Variants in REDIC1 observed in about 807,000 individuals in gnomAD.
REDIC1 encodes the protein HEI10 Interacting Protein 1.
the REDIC1 span, among the ~76,000 whole-genome samples, chr12:39,862,841 C>T: frequency 0.072 from 10,926 of 152,152 alleles, 873 homozygotes; most frequent in African/African-American, 0.2. Flanking sequence ...GCAATTGTCA[C>T]TTGTTTGTGT....
chr12:39,899,864 G>T, the REDIC1 span, among the ~76,000 whole-genome samples: 11 of 152,136 alleles, frequency 7.2e-5, no homozygotes, highest in African/African-American at 2.4e-4. Context: ...TATAATTTCT[G>T]TTCTTTTACA....
At chr12:39,829,149 C>T in the REDIC1 span, among the ~76,000 whole-genome samples, 1 of 151,942 alleles carries the variant, frequency 6.6e-6, no homozygotes, top group Admixed American at 6.6e-5. Flanking sequence ...AACATTTACA[C>T]ATTTTATATG....
At chr12:39,671,740 G>A in the REDIC1 span, among the ~76,000 whole-genome samples, 1 of 152,106 alleles carries the variant, frequency 6.6e-6, no homozygotes, top group East Asian at 1.9e-4. Flanking sequence ...GGCAGTGGTG[G>A]TAGCAGCAGG....
the REDIC1 span, among the ~76,000 whole-genome samples, chr12:39,804,061 G>C: frequency 6.6e-6 from 1 of 151,924 alleles, no homozygotes; most frequent in Non-Finnish European, 1.5e-5. Context: ...AAAAAAACTG[G>C]TGTGCATGTG....
chr12:39,763,477 A>T, the REDIC1 span, among the ~76,000 whole-genome samples: 1 of 152,080 alleles, frequency 6.6e-6, no homozygotes, highest in African/African-American at 2.4e-5. Flanking sequence ...GGTGAACAGG[A>T]TGCCTTGGCA....
chr12:39,848,297 TC>T, the REDIC1 span, among the ~76,000 whole-genome samples: 12 of 152,082 alleles, frequency 7.9e-5, no homozygotes, highest in Non-Finnish European at 8.8e-5. Context: ...AGGTCTAATA[TC>T]CAGCATTTAT....
At chr12:39,896,348 GTATGTA>G in the REDIC1 span, among the ~76,000 whole-genome samples, 4 of 126,604 alleles carry the variant, frequency 3.2e-5, no homozygotes, top group Admixed American at 7.8e-5. Context: ...ATACATATAT[GTATGTA>G]TATGTGTATA....
At chr12:39,631,240 C>A in the REDIC1 span, among the ~76,000 whole-genome samples, 1 of 152,048 alleles carries the variant, frequency 6.6e-6, no homozygotes, top group Non-Finnish European at 1.5e-5. Context: ...GCATTTTGTT[C>A]AAAAACAGTT....
the REDIC1 span, chr12:39,829,907 TG>T: frequency 1.5e-6 from 1 of 679,056 alleles, no homozygotes; most frequent in East Asian, 3.0e-5. Flanking sequence ...AGTCTAGGCC[TG>T]AGTGCTTTCT....
chr12:39,666,383 T>G, the REDIC1 span, among the ~76,000 whole-genome samples: 1 of 152,214 alleles, frequency 6.6e-6, no homozygotes, highest in Non-Finnish European at 1.5e-5. Flanking sequence ...GATTTGCATA[T>G]GTTGAACCAG....
chr12:39,791,046 T>C, the REDIC1 span, among the ~76,000 whole-genome samples: 24 of 127,718 alleles, frequency 1.9e-4, no homozygotes, highest in Admixed American at 3.3e-4. Context: ...TCATGTCCTT[T>C]GCCCACTTTT....
At chr12:39,680,046 G>A in the REDIC1 span, among the ~76,000 whole-genome samples, 56 of 151,908 alleles carry the variant, frequency 3.7e-4, no homozygotes, top group African/African-American at 9.7e-4. Context: ...AGATAACATC[G>A]GAAAAACTCT....
chr12:39,702,368 C>T, the REDIC1 span, among the ~76,000 whole-genome samples: 1 of 152,192 alleles, frequency 6.6e-6, no homozygotes, highest in Non-Finnish European at 1.5e-5. Flanking sequence ...CATACACCCT[C>T]CCAAGACTAA....
chr12:39,752,362 T>C, the REDIC1 span, among the ~76,000 whole-genome samples: 11 of 152,244 alleles, frequency 7.2e-5, no homozygotes, highest in African/African-American at 2.2e-4. Flanking sequence ...CTTATGAGAA[T>C]TGAATATCTG....
the REDIC1 span, among the ~76,000 whole-genome samples, chr12:39,817,631 T>C: frequency 6.6e-6 from 1 of 152,222 alleles, no homozygotes; most frequent in Non-Finnish European, 1.5e-5. Context: ...AAAAGTTAGC[T>C]GTACACAGTA....
At chr12:39,787,381 A>T in the REDIC1 span, among the ~76,000 whole-genome samples, 1 of 152,212 alleles carries the variant, frequency 6.6e-6, no homozygotes, top group African/African-American at 2.4e-5. Flanking sequence ...CAAGGACAGA[A>T]AGGAATACTT....
chr12:39,642,380 CATCT>C, the REDIC1 span, among the ~76,000 whole-genome samples: 2 of 151,568 alleles, frequency 1.3e-5, no homozygotes, highest in Non-Finnish European at 3.0e-5. Flanking sequence ...CTGACTCATC[CATCT>C]ATCTTAGAAC....
the REDIC1 span, among the ~76,000 whole-genome samples, chr12:39,654,298 T>A: frequency 1.3e-5 from 2 of 152,154 alleles, no homozygotes; most frequent in East Asian, 3.9e-4. Context: ...TGAAAACTGC[T>A]TGGTGTAGGC....
chr12:39,760,850 G>T, the REDIC1 span, among the ~76,000 whole-genome samples: 1 of 150,808 alleles, frequency 6.6e-6, no homozygotes, highest in East Asian at 2.0e-4. Context: ...TGAGATATAT[G>T]AATGTATGAC....
Sources: gnomAD v4.1 joint callset for allele counts (sites outside exome capture counted in the v4.1 genomes callset) on GRCh38, gnomAD v4.1.1 for gene constraint, MANE v1.5 for transcripts, NCBI Gene and HGNC (gene_info 2026-07-23, HGNC 2026-07-21) for gene names.